The following CD33 variants were observed in gnomAD, a reference collection of about 807,000 sequenced individuals.
CD33 encodes myeloid cell surface antigen CD33.
In CD33, 25 loss-of-function variants were observed where a neutral mutation model predicts 31.4. The observed-to-expected ratio is 0.80, with a 90% CI of 0.58 to 1.11. CD33 has a LOEUF of 1.11. CD33 is among the 50% of genes most tolerant of loss of function. The pLI, the probability that CD33 is intolerant of heterozygous loss-of-function variation, is 0.00. For synonymous variants in CD33, 176 were observed against 180.6 expected, an observed-to-expected ratio of 0.97 and a Z score of 0.20; for missense variants, 407 against 448.1, an observed-to-expected ratio of 0.91 and a Z score of 0.83.
intron 4 of CD33, among the ~76,000 whole-genome samples, chr19:51,230,673 C>T (rs758181068): frequency 6.6e-6 from 1 of 152,200 alleles, no homozygotes; most frequent in Non-Finnish European, 1.5e-5. Flanking sequence ...ATAAGTATAG[C>T]TATTCCTGCT....
chr19:51,225,201 C>T lies in CD33; in HGVS notation c.38-17C>T, dbSNP rs771971185. The T allele has an allele frequency of 6.2e-7, 1 of 1,613,148 alleles. No individual in the cohort carries two copies. Among genetic ancestry groups the T allele is most frequent in the South Asian group, 1.1e-5 (1 of 91,000 alleles). On this transcript the variant is annotated splice_polypyrimidine_tract_variant and intron_variant, in intron 1 of 6. Coordinates refer to ENST00000262262, the MANE Select transcript of CD33 (RefSeq NM_001772.4). ...GGGTTGTCGGGCTGGGCCGAGCTGA[C>T]CCTCGTTTCCCCACAGGGGCCCTGG...
the CD33 span, among the ~76,000 whole-genome samples, chr19:51,216,032 A>G: frequency 6.6e-6 from 1 of 151,958 alleles, no homozygotes; most frequent in African/African-American, 2.4e-5. Flanking sequence ...TGCACGTTCT[A>G]TCCTCCACTG....
intron 4 of CD33, among the ~76,000 whole-genome samples, chr19:51,231,307 G>A (rs1007824515): frequency 1.3e-5 from 2 of 152,114 alleles, no homozygotes; most frequent in African/African-American, 2.4e-5. Flanking sequence ...TACTAGCGTC[G>A]GCCCCCTGGA....
intron 4 of CD33, among the ~76,000 whole-genome samples, chr19:51,233,582 C>T (rs893036745): frequency 6.6e-5 from 10 of 152,196 alleles, no homozygotes; most frequent in African/African-American, 2.2e-4. Flanking sequence ...GCAGCTTGCC[C>T]GCAGGGGCTG....
Position 51,225,920 on chromosome 19 carries a change from G to A in CD33, c.536G>A (p.Trp179Ter). Residue 179 changes from tryptophan (W) to a stop codon, truncating the protein, a stop_gained, in exon 3 of 7, where the codon TGG (tryptophan) becomes TAG (stop). Transcript: ENST00000262262. LOFTEE classifies it high-confidence loss of function. ...CEQGTPPIFSWLSAAPTSLGP... is the reference protein window; with the variant it reads ...CEQGTPPIFS ...CAGGGAACACCCCCGATCTTCTCCT[G>A]GTTGTCAGCTGCCCCCACCTCCCTG... 1.2e-6 allele frequency: 2 copies of A among 1,614,008 alleles called. No individual in the cohort carries two copies. The highest frequency in any genetic ancestry group is 2.2e-5 in the South Asian group (2 of 91,072).
At chr19:51,217,455 G>A in the CD33 span, among the ~76,000 whole-genome samples, 1 of 151,674 alleles carries the variant, frequency 6.6e-6, no homozygotes, top group Admixed American at 6.6e-5. Flanking sequence ...TGTTGCCCGG[G>A]CTTGAGTGCG....
At chr19:51,216,221 CGAGTGTGTGTGT>C in the CD33 span, among the ~76,000 whole-genome samples, 87 of 140,664 alleles carry the variant, frequency 6.2e-4, 1 homozygote, top group South Asian at 1.2e-3. Context: ...AAATGTCACC[CGAGTGTGTGTGT>C]GTGTGTGTGT....
At chr19:51,227,776 C>T (rs928415124) in intron 4 of CD33, among the ~76,000 whole-genome samples, 3 of 152,250 alleles carry the variant, frequency 2.0e-5, no homozygotes, top group Admixed American at 6.5e-5. Flanking sequence ...TGAGGTCTTA[C>T]TCATAAAATA....
chr19:51,213,130 T>G, the CD33 span, among the ~76,000 whole-genome samples: 1 of 152,338 alleles, frequency 6.6e-6, no homozygotes, highest in South Asian at 2.1e-4. Flanking sequence ...CAAGCTGACA[T>G]TCCCAAAAGT....
At position 51,226,069 on chromosome 19, in the gene CD33, C is replaced by T; in HGVS notation, c.685C>T (p.Leu229Phe). The change falls in exon 3 of 7, where the codon CTC (leucine) becomes TTC (phenylalanine). Residue 229 changes from leucine (L) to phenylalanine (F), a missense_variant. Coordinates refer to ENST00000262262, the MANE Select transcript of CD33 (RefSeq NM_001772.4). Reference sequence around the variant, plus strand: ...TGTGACTACGGAGAGAACCATCCAGCTCAACGTCACCTGTAAGTGCTGGGC... The same window carrying T: ...TGTGACTACGGAGAGAACCATCCAGTTCAACGTCACCTGTAAGTGCTGGGC... The part of the protein sequence containing the change: ...AGVTTERTIQ[L>F]NVTYVPQNPT... The T allele has an allele frequency of 1.2e-6, 2 of 1,613,896 alleles. No homozygotes were observed. The highest frequency in any genetic ancestry group is 1.7e-4 in the Middle Eastern group (1 of 6,060).
At chr19:51,234,267 A>C (rs1450725874) in intron 4 of CD33, among the ~76,000 whole-genome samples, 1 of 152,260 alleles carries the variant, frequency 6.6e-6, no homozygotes. Flanking sequence ...CAGTCAATAA[A>C]ACTACATTGA....
chr19:51,219,205 A>C, the CD33 span, among the ~76,000 whole-genome samples: 1 of 152,120 alleles, frequency 6.6e-6, no homozygotes, highest in Admixed American at 6.6e-5. Context: ...AACTTATTTC[A>C]TCAGTATTTT....
chr19:51,235,621 C>T lies in CD33; in HGVS notation c.869C>T (p.Ala290Val), dbSNP rs779924950. 8.1e-6 allele frequency: 13 copies of T among 1,613,872 alleles called. No individual in the cohort carries two copies. Among genetic ancestry groups the T allele is most frequent in the Admixed American group, 1.7e-5 (1 of 59,984 alleles). Residue 290 changes from alanine (A) to valine (V), a missense_variant, in exon 6 of 7, where the codon GCC (alanine) becomes GTC (valine). Ala to Val is a moderately conservative substitution (Grantham distance 64). Transcript: ENST00000262262. ...GTGAAGACCCACAGGAGGAAAGCAG[C>T]CAGGACAGCAGTGGGCAGGAATGAC... ...FIVKTHRRKAARTAVGRNDTH... is the reference protein window; with the variant it reads ...FIVKTHRRKAVRTAVGRNDTH...
chr19:51,233,533 C>A (rs1981570288), intron 4 of CD33, among the ~76,000 whole-genome samples: 1 of 152,214 alleles, frequency 6.6e-6, no homozygotes, highest in African/African-American at 2.4e-5. Context: ...AGGGTGCACT[C>A]CAGAGATGGC....
At chr19:51,235,350 C>A (rs1188517122) in intron 5 of CD33, 97 bp downstream of exon 5, 4 of 1,301,362 alleles carry the variant, frequency 3.1e-6, no homozygotes, top group African/African-American at 1.5e-5. Context: ...GGAGAAAGGG[C>A]AGGGGGTGTG....
the CD33 span, among the ~76,000 whole-genome samples, chr19:51,217,608 A>G: frequency 1.1e-4 from 17 of 152,094 alleles, no homozygotes; most frequent in African/African-American, 3.4e-4. Flanking sequence ...TAGTGGAGAC[A>G]GGGTTTCACC....
At chr19:51,237,895 A>G (rs1388969209) in intron 6 of CD33, 1 of 152,240 alleles carries the variant, frequency 6.6e-6, no homozygotes, top group African/African-American at 2.4e-5. Flanking sequence ...GAGATGACTG[A>G]CTCAGACTTA....
upstream of CD33, among the ~76,000 whole-genome samples, chr19:51,223,470 A>G (rs1000293701): frequency 6.6e-6 from 1 of 152,196 alleles, no homozygotes; most frequent in Admixed American, 6.5e-5. Context: ...TGCATACTAC[A>G]CAGAGTGATA....
At position 51,225,321 on chromosome 19, in the gene CD33, A is replaced by G; in HGVS notation, c.141A>G (p.Ile47Met). 8.1e-6 allele frequency: 13 copies of G among 1,613,986 alleles called. No individual in the cohort carries two copies. The highest frequency in any genetic ancestry group is 1.1e-5 in the Non-Finnish European group (13 of 1,179,974). ...VLVPCTFFHPIPYYDKNSPVH... is the reference protein window; with the variant it reads ...VLVPCTFFHPMPYYDKNSPVH... The stretch of plus-strand genomic sequence containing the variant: ...TGCCCTGCACTTTCTTCCATCCCAT[A>G]CCCTACTACGACAAGAACTCCCCAG... The change falls in exon 2 of 7, where the codon ATA becomes ATG. Residue 47 changes from isoleucine (I) to methionine (M), a missense_variant. By Grantham distance (10) the Ile-to-Met change is conservative (BLOSUM62 1). Coordinates refer to ENST00000262262, the MANE Select transcript of CD33 (RefSeq NM_001772.4).
Sources: gnomAD v4.1 joint callset for allele counts (sites outside exome capture counted in the v4.1 genomes callset) on GRCh38, gnomAD v4.1.1 for gene constraint, MANE v1.5 for transcripts, NCBI Gene and HGNC (gene_info 2026-07-23, HGNC 2026-07-21) for gene names.